Variants in STXBP6 observed in about 807,000 individuals in gnomAD.
STXBP6 encodes the protein syntaxin-binding protein 6.
Under a neutral mutation model 26.9 loss-of-function variants are expected in STXBP6, and 21 were observed. The observed-to-expected ratio is 0.78, with a 90% CI of 0.55 to 1.12. STXBP6 has a LOEUF of 1.12. Ranked by LOEUF, STXBP6 falls within the 50% of genes most tolerant of loss-of-function variation. The pLI, the probability that STXBP6 is intolerant of heterozygous loss-of-function variation, is 0.00. For synonymous variants in STXBP6, 97 were observed against 92.6 expected (o/e 1.05, Z -0.27); for missense variants, 232 against 257.9 (o/e 0.90, Z 0.69).
intron 1 of STXBP6, among the ~76,000 whole-genome samples, chr14:25,024,334 G>T (rs2075311095): frequency 6.6e-6 from 1 of 152,002 alleles, no homozygotes; most frequent in African/African-American, 2.4e-5. Flanking sequence ...TTTGTTTTCA[G>T]TTATGTTAAA....
At chr14:24,848,861 A>G (rs12888023) in intron 4 of STXBP6, among the ~76,000 whole-genome samples, 31,834 of 152,116 alleles carry the variant, frequency 0.21, 3,915 homozygotes, top group Non-Finnish European at 0.29. Flanking sequence ...GAATGAGGAA[A>G]TATGAGAAAA....
chr14:24,973,457 C>T (rs564176216), intron 2 of STXBP6, among the ~76,000 whole-genome samples: 57 of 139,180 alleles, frequency 4.1e-4, no homozygotes, highest in Admixed American at 1.1e-3. Context: ...GTGATCTCGG[C>T]TCACTGCAAC....
chr14:25,038,700 AACTATTGGGC>A (rs1386033721), intron 1 of STXBP6, among the ~76,000 whole-genome samples: 1 of 152,180 alleles, frequency 6.6e-6, no homozygotes, highest in African/African-American at 2.4e-5. Context: ...CAGAAAAAAT[AACTATTGGGC>A]ACTAGGCTTA....
chr14:25,015,135 A>G (rs1272917941), intron 1 of STXBP6, among the ~76,000 whole-genome samples: 1 of 152,240 alleles, frequency 6.6e-6, no homozygotes, highest in Non-Finnish European at 1.5e-5. Context: ...GAATTCTAAA[A>G]GCAGTATGAG....
chr14:24,837,221 C>T (rs561968668), intron 4 of STXBP6, among the ~76,000 whole-genome samples: 6 of 152,126 alleles, frequency 3.9e-5, no homozygotes, highest in African/African-American at 1.4e-4. Context: ...TTCTGTGGAA[C>T]ATAGGAAAAT....
At chr14:25,016,588 A>AC (rs1164334390) in intron 1 of STXBP6, among the ~76,000 whole-genome samples, 26 of 152,334 alleles carry the variant, frequency 1.7e-4, no homozygotes, top group African/African-American at 6.3e-4. Flanking sequence ...TAAGAAATTC[A>AC]CATTCTAGAG....
At chr14:24,999,774 A>G (rs994185771) in intron 1 of STXBP6, among the ~76,000 whole-genome samples, 20 of 152,196 alleles carry the variant, frequency 1.3e-4, no homozygotes, top group African/African-American at 4.8e-4. Flanking sequence ...AGTATCAGAA[A>G]AGCCCAAAGC....
chr14:24,974,487 G>A lies in STXBP6; in HGVS notation c.154+178C>T, dbSNP rs148723173. Among the ~76,000 whole-genome samples, 228 of 152,200 alleles carry A rather than the reference G, an allele frequency of 1.5e-3. 1 individual carries two copies. The highest frequency in any genetic ancestry group is 5.3e-3 in the African/African-American group (218 of 41,494). ...TTGAACTTCACTACCTTTCCAATAC[G>A]CGGCAACCTCAAAAACAAGGTGTCA... On this transcript the variant is annotated intron_variant, in intron 2 of 5. Transcript: ENST00000323944.
chr14:24,984,739 T>G (rs2074289889), intron 1 of STXBP6, among the ~76,000 whole-genome samples: 1 of 152,220 alleles, frequency 6.6e-6, no homozygotes, highest in South Asian at 2.1e-4. Flanking sequence ...CTTAGATATG[T>G]GACTTTGGTA....
Position 25,049,089 on chromosome 14 carries a change from C to T in STXBP6, c.-33+789G>A. The T allele has an allele frequency of 2.2e-6, 2 of 926,832 alleles. No individual in the cohort carries two copies. Among genetic ancestry groups the T allele is most frequent in the Non-Finnish European group, 1.3e-6 (1 of 776,240 alleles). 57.4% of individuals were successfully genotyped at this position (926,832 alleles called of 1,614,324 possible). On this transcript the variant is annotated intron_variant, in intron 1 of 5. Coordinates refer to ENST00000323944, the MANE Select transcript of STXBP6 (RefSeq NM_001394410.1). The surrounding 1 kb of genome is among the most constrained non-coding windows in gnomAD (Gnocchi z 5.6). ...GACTTTCTCCTAAAGAACAAGATGT[C>T]TTTCCAAATTCTCCACCTGCAGGTC... is the stretch of plus-strand genomic sequence containing the variant.
chr14:24,899,676 G>C (rs531058571), intron 2 of STXBP6, among the ~76,000 whole-genome samples: 16 of 151,952 alleles, frequency 1.1e-4, no homozygotes, highest in Non-Finnish European at 1.9e-4. Context: ...AGCTACTCAG[G>C]GGGCTGAGGC....
intron 2 of STXBP6, among the ~76,000 whole-genome samples, chr14:24,886,558 T>C (rs973272744): frequency 2.2e-5 from 3 of 135,792 alleles, no homozygotes; most frequent in African/African-American, 7.5e-5. Context: ...TGACATGTTC[T>C]TGTTATTTTA....
At chr14:25,036,181 C>T (rs1472197838) in intron 1 of STXBP6, among the ~76,000 whole-genome samples, 1 of 142,568 alleles carries the variant, frequency 7.0e-6, no homozygotes, top group African/African-American at 2.6e-5. Context: ...TGTGCCACTG[C>T]ACTCCAGCCT....
chr14:25,033,002 G>A lies in STXBP6; in HGVS notation c.-33+16876C>T, dbSNP rs147988108. On this transcript the variant is annotated intron_variant, in intron 1 of 5. Transcript: ENST00000323944. ...TACACTAACTGCTGTTTCCCACCAA[G>A]CACACACACCACTTTTCTAAAGAAA... Among the ~76,000 whole-genome samples, 147 of 152,248 alleles carry A rather than the reference G, an allele frequency of 9.7e-4. 2 individuals are homozygous for A. Among genetic ancestry groups the A allele is most frequent in the African/African-American group, 3.4e-3 (142 of 41,536 alleles).
At chr14:24,959,652 T>C (rs923675326) in intron 2 of STXBP6, among the ~76,000 whole-genome samples, 1 of 152,234 alleles carries the variant, frequency 6.6e-6, no homozygotes, top group Non-Finnish European at 1.5e-5. Context: ...AGGGTTGGCA[T>C]AGCAGTGCTA....
intron 2 of STXBP6, among the ~76,000 whole-genome samples, chr14:24,890,351 GT>G (rs1264385521): frequency 6.6e-6 from 1 of 152,254 alleles, no homozygotes; most frequent in Non-Finnish European, 1.5e-5. Flanking sequence ...TGGCATGGAT[GT>G]GGGATAATTC....
chr14:24,994,492 C>T (rs1017754727), intron 1 of STXBP6, among the ~76,000 whole-genome samples: 1 of 152,194 alleles, frequency 6.6e-6, no homozygotes, highest in African/African-American at 2.4e-5. Context: ...TTTCCCCAGC[C>T]TTGTATATTG....
intron 1 of STXBP6, among the ~76,000 whole-genome samples, chr14:25,018,181 C>T (rs989490543): frequency 6.6e-6 from 1 of 152,218 alleles, no homozygotes; most frequent in East Asian, 1.9e-4. Context: ...AATAGGACTT[C>T]CGGAGATTCT....
intron 4 of STXBP6, among the ~76,000 whole-genome samples, chr14:24,828,805 G>T (rs936589962): frequency 2.0e-5 from 3 of 152,166 alleles, no homozygotes; most frequent in African/African-American, 7.2e-5. Flanking sequence ...TTAATAAGGT[G>T]CCTGTATGTT....
Sources: allele counts gnomAD v4.1 joint callset (sites outside exome capture counted in the v4.1 genomes callset), GRCh38; gene constraint gnomAD v4.1.1; non-coding constraint Gnocchi (gnomAD v3.1); transcripts MANE v1.5; gene names NCBI Gene and HGNC (gene_info 2026-07-23, HGNC 2026-07-21).